Variants in SORCS2 observed in about 807,000 individuals in gnomAD.
SORCS2 encodes the protein VPS10 domain-containing receptor SorCS2.
In SORCS2, 100 loss-of-function variants were observed where a neutral mutation model predicts 141.6. The observed-to-expected ratio is 0.71, with a 90% CI of 0.60 to 0.83. The LOEUF is 0.83. Ranked by LOEUF, SORCS2 falls within the 40% of genes least tolerant of loss-of-function variation. The probability of loss-of-function intolerance (pLI) is 0.00; values close to 1 mark genes in which losing one functional copy is unlikely to be tolerated. For missense variants in SORCS2, 1,646 were observed against 1,560.2 expected (o/e 1.05, Z -0.93); for synonymous variants, 789 against 676.9 (o/e 1.17, Z -2.57).
At chr4:7,693,315 C>G (rs1477485439) in intron 11 of SORCS2, among the ~76,000 whole-genome samples, 1 of 152,208 alleles carries the variant, frequency 6.6e-6, no homozygotes, top group Non-Finnish European at 1.5e-5. Flanking sequence ...GGGATCCCAG[C>G]GAGCCAGTGT....
intron 1 of SORCS2, among the ~76,000 whole-genome samples, chr4:7,270,929 G>C (rs1224694296): frequency 6.6e-6 from 1 of 152,226 alleles, no homozygotes; most frequent in Non-Finnish European, 1.5e-5. Context: ...GTTCTCGCTT[G>C]TTCGTTTGTT....
chr4:7,447,418 A>G (rs889734120), intron 2 of SORCS2, among the ~76,000 whole-genome samples: 22 of 152,200 alleles, frequency 1.4e-4, no homozygotes, highest in African/African-American at 4.3e-4. Flanking sequence ...AACCCTCAAT[A>G]TAGTGTCCAT....
chr4:7,457,410 C>T (rs893744267), intron 2 of SORCS2, among the ~76,000 whole-genome samples: 2 of 152,020 alleles, frequency 1.3e-5, no homozygotes, highest in African/African-American at 4.8e-5. Context: ...CAGTGAACAT[C>T]GCAAGCTGGC....
At chr4:7,298,934 C>T (rs3846431) in intron 1 of SORCS2, among the ~76,000 whole-genome samples, 105,654 of 152,198 alleles carry the variant, frequency 0.69, 37,271 homozygotes, top group Middle Eastern at 0.78. Flanking sequence ...GGGACAAGGC[C>T]GGTGGGAAGA....
chr4:7,670,524 G>A (rs1350111379), intron 8 of SORCS2, among the ~76,000 whole-genome samples: 2 of 152,172 alleles, frequency 1.3e-5, no homozygotes, highest in African/African-American at 2.4e-5. Flanking sequence ...AATAAAGAAA[G>A]AAGTGACATC....
chr4:7,490,719 G>A (rs6837019), intron 2 of SORCS2, among the ~76,000 whole-genome samples: 17,709 of 152,174 alleles, frequency 0.12, 1,321 homozygotes, highest in East Asian at 0.25. Flanking sequence ...TTGTTTGCAG[G>A]TGAACACTGG....
At chr4:7,391,408 C>T (rs1248565455) in intron 1 of SORCS2, among the ~76,000 whole-genome samples, 1 of 152,212 alleles carries the variant, frequency 6.6e-6, no homozygotes, top group Non-Finnish European at 1.5e-5. Context: ...GGCCCCTCAT[C>T]TCCAGGCAAG....
intron 17 of SORCS2, among the ~76,000 whole-genome samples, chr4:7,715,652 T>C (rs917320368): frequency 1.3e-5 from 2 of 152,212 alleles, no homozygotes; most frequent in African/African-American, 2.4e-5. Flanking sequence ...AAGGTGCCCA[T>C]GGCTCACACC....
At chr4:7,500,576 C>G (rs971028571) in intron 2 of SORCS2, among the ~76,000 whole-genome samples, 1 of 130,230 alleles carries the variant, frequency 7.7e-6, no homozygotes, top group African/African-American at 4.0e-5. Context: ...GGAGAAATAA[C>G]CACAGAAAGC....
chr4:7,263,875 G>A (rs185387532), intron 1 of SORCS2, among the ~76,000 whole-genome samples: 2 of 152,320 alleles, frequency 1.3e-5, no homozygotes, highest in Non-Finnish European at 2.9e-5. Context: ...TGGGCACCAT[G>A]GACCTTGGTG....
At chr4:7,604,517 CTG>C (rs1717938547) in intron 3 of SORCS2, among the ~76,000 whole-genome samples, 1 of 152,204 alleles carries the variant, frequency 6.6e-6, no homozygotes, top group Non-Finnish European at 1.5e-5. Context: ...CGGGGTTTCA[CTG>C]TGTTAGCCAG....
At chr4:7,724,456 ATGGTGGTGGTGATGGTGATGGTGG>A (rs1726912307) in intron 19 of SORCS2, among the ~76,000 whole-genome samples, 1 of 82,780 alleles carries the variant, frequency 1.2e-5, no homozygotes, top group African/African-American at 4.7e-5. Context: ...GGTGGTGGTG[ATGGTGGTGGTGATGGTGATGGTGG>A]TGATGGTGGT....
chr4:7,412,536 A>G (rs1185441758), intron 2 of SORCS2, among the ~76,000 whole-genome samples: 2 of 151,990 alleles, frequency 1.3e-5, no homozygotes, highest in East Asian at 3.9e-4. Context: ...GAACTGGGGG[A>G]CAGATGCTCA....
At chr4:7,640,175 AGT>A (rs770857084) in intron 4 of SORCS2, among the ~76,000 whole-genome samples, 10 of 93,926 alleles carry the variant, frequency 1.1e-4, no homozygotes, top group Admixed American at 6.7e-4. Flanking sequence ...TGTGTGGGTG[AGT>A]GTGAGAGCCT....
At chr4:7,736,972 C>A in intron 25 of SORCS2, 97 bp from the exon 26 acceptor site, 1 of 1,479,666 alleles carries the variant, frequency 6.8e-7, no homozygotes, top group Non-Finnish European at 9.1e-7. Context: ...GCACCGTGCA[C>A]CACACTCGGT....
At chr4:7,735,404 A>C (rs1712087073) in intron 25 of SORCS2, 1 of 154,296 alleles carries the variant, frequency 6.5e-6, no homozygotes, top group Admixed American at 6.5e-5. Context: ...TAGTAGTTTC[A>C]TGTGTGCCCC....
In SORCS2 at chr4:7,734,224, G is replaced by A. The variant is rs775704894; in HGVS notation, c.3209-48G>A. ...ACGGGATGGGCTGGGGATGGGACAG[G>A]GATGGGCGGTGCCCGAGGTCCTCCA... On this transcript the variant is annotated intron_variant, in intron 24 of 26. Transcript: ENST00000507866. 2.4e-5 allele frequency: 34 copies of A among 1,412,446 alleles called. No homozygotes were observed. The Admixed American group carries it at 6.3e-4, about 26-fold the overall frequency. 87.5% of individuals were successfully genotyped at this position (1,412,446 alleles called of 1,614,324 possible).
intron 2 of SORCS2, among the ~76,000 whole-genome samples, chr4:7,499,717 C>G (rs941689166): frequency 1.3e-5 from 2 of 151,648 alleles, no homozygotes; most frequent in Non-Finnish European, 2.9e-5. Context: ...GAAAGATCCT[C>G]TCGTCTGCCT....
chr4:7,681,805 A>C (rs1204727799), intron 9 of SORCS2, among the ~76,000 whole-genome samples: 1 of 152,216 alleles, frequency 6.6e-6, no homozygotes, highest in Non-Finnish European at 1.5e-5. Flanking sequence ...TGCCGTTACT[A>C]TCCTAGAGGG....
Sources: allele counts gnomAD v4.1 joint callset (sites outside exome capture counted in the v4.1 genomes callset), GRCh38; gene constraint gnomAD v4.1.1; transcripts MANE v1.5; gene names NCBI Gene and HGNC (gene_info 2026-07-23, HGNC 2026-07-21).